The following CSRNP3 variants were observed in gnomAD, a reference collection of about 807,000 sequenced individuals.
CSRNP3 encodes the protein cysteine and serine rich nuclear protein 3.
CSRNP3 carries 12 observed loss-of-function variants against 48.0 expected under a neutral mutation model. That is an observed-to-expected ratio of 0.25 (90% CI 0.16 to 0.41). The LOEUF (loss-of-function observed/expected upper bound fraction) is 0.41. Among genes scored for constraint, CSRNP3 ranks in the 10% least tolerant of loss-of-function variants. The probability of loss-of-function intolerance (pLI) is 1.00; values close to 1 mark genes in which losing one functional copy is unlikely to be tolerated. For synonymous variants in CSRNP3, 263 were observed against 269.7 expected (o/e 0.98, Z 0.24); for missense variants, 580 against 724.4 (o/e 0.80, Z 2.29).
At chr2:165,657,615 C>T in intron 4 of CSRNP3, 146 bp from the exon 5 acceptor site, 2 of 866,420 alleles carry the variant, frequency 2.3e-6, no homozygotes, top group Admixed American at 2.6e-5. Context: ...GAACTCTATG[C>T]CAACTCTGGG....
chr2:165,625,596 T>C (rs778111925), intron 4 of CSRNP3, among the ~76,000 whole-genome samples: 10 of 150,936 alleles, frequency 6.6e-5, no homozygotes, highest in Non-Finnish European at 1.2e-4. Flanking sequence ...ATCATGCCAC[T>C]GCACTCCCAC....
intron 1 of CSRNP3, among the ~76,000 whole-genome samples, chr2:165,493,861 T>C (rs548972440): frequency 1.6e-4 from 24 of 152,240 alleles, no homozygotes; most frequent in Admixed American, 1.4e-3. Flanking sequence ...ATGACTATGG[T>C]TCTATTACAT....
chr2:165,662,465 GTTC>G (rs1031299984), intron 5 of CSRNP3, among the ~76,000 whole-genome samples: 14 of 152,300 alleles, frequency 9.2e-5, no homozygotes, highest in South Asian at 4.1e-4. Context: ...ACAGAGCACA[GTTC>G]TTCTTCTCTG....
intron 3 of CSRNP3, among the ~76,000 whole-genome samples, chr2:165,545,208 T>A (rs1414750578): frequency 2.0e-5 from 3 of 152,074 alleles, no homozygotes; most frequent in Non-Finnish European, 4.4e-5. Flanking sequence ...TATGAGAGAA[T>A]GGGTGGAGAA....
chr2:165,485,990 G>C lies in CSRNP3; in HGVS notation c.-282-8769G>C, dbSNP rs374963688. ...CTCTGGTCTACAGCTCCCAGCGTGA[G>C]CGACGCAGAAGACGGGTGATTTCTG... is the stretch of plus-strand genomic sequence containing the variant. On this transcript the variant is annotated intron_variant, in intron 1 of 6. Coordinates refer to ENST00000651982, the MANE Select transcript of CSRNP3 (RefSeq NM_001172173.2). Among the ~76,000 whole-genome samples, 11 of 152,192 alleles carry C rather than the reference G, an allele frequency of 7.2e-5. No homozygotes were observed. In the East Asian group the frequency reaches 9.7e-4, roughly 13 times the overall value.
At chr2:165,677,881 A>C (rs1687453657) in intron 6 of CSRNP3, among the ~76,000 whole-genome samples, 1 of 152,306 alleles carries the variant, frequency 6.6e-6, no homozygotes, top group East Asian at 1.9e-4. Flanking sequence ...TGTTGAACCC[A>C]AACACTCTAT....
intron 2 of CSRNP3, among the ~76,000 whole-genome samples, chr2:165,510,917 G>T (rs1402114697): frequency 6.6e-6 from 1 of 152,180 alleles, no homozygotes; most frequent in Non-Finnish European, 1.5e-5. Context: ...CAGTGTCAGA[G>T]AAGTCTCAGA....
chr2:165,664,994 G>A (rs1687155474), intron 5 of CSRNP3, among the ~76,000 whole-genome samples: 1 of 152,202 alleles, frequency 6.6e-6, no homozygotes, highest in Admixed American at 6.5e-5. Context: ...GGCCTGTAGA[G>A]AGTGATCAAT....
At chr2:165,560,002 AG>A (rs1207205726) in intron 3 of CSRNP3, among the ~76,000 whole-genome samples, 2 of 151,564 alleles carry the variant, frequency 1.3e-5, no homozygotes, top group Non-Finnish European at 2.9e-5. Context: ...GGTTTCACCA[AG>A]TTAGCCAGGA....
chr2:165,553,634 C>T (rs1474501338), intron 3 of CSRNP3, among the ~76,000 whole-genome samples: 1 of 152,164 alleles, frequency 6.6e-6, no homozygotes, highest in Admixed American at 6.5e-5. Context: ...TCTTGTTTCC[C>T]ATTTCACTGA....
intron 2 of CSRNP3, among the ~76,000 whole-genome samples, chr2:165,511,855 G>A (rs1684510391): frequency 6.6e-6 from 1 of 152,142 alleles, no homozygotes; most frequent in Admixed American, 6.6e-5. Context: ...TTCTCTAGTT[G>A]CAGTCATCTG....
At chr2:165,547,906 T>C (rs1371881661) in intron 3 of CSRNP3, among the ~76,000 whole-genome samples, 2 of 152,150 alleles carry the variant, frequency 1.3e-5, no homozygotes, top group Non-Finnish European at 2.9e-5. Flanking sequence ...TGGGTACTTA[T>C]ACATCTATGC....
rs1687644594 is a variant in CSRNP3, at chr2:165,687,248, T to C, written c.*7495T>C. ...TCAGATTTTTAAAGAAAGACACGGA[T>C]TCAGAGACAATGGTCTGTAACATGA... On this transcript the variant is annotated 3_prime_UTR_variant, in exon 7 of 7. Coordinates refer to ENST00000651982, the MANE Select transcript of CSRNP3 (RefSeq NM_001172173.2). 6.6e-6 allele frequency: 1 copy of C among 152,124 alleles called. No individual in the cohort carries two copies. Among genetic ancestry groups the C allele is most frequent in the Admixed American group, 6.6e-5 (1 of 15,254 alleles). The allele number at this position is 152,124 out of a possible 1,614,324, so 9.4% of individuals were successfully genotyped here. A position where few individuals can be genotyped will look rare whatever the true frequency, so the allele number is the denominator to read the frequency against.
intron 4 of CSRNP3, among the ~76,000 whole-genome samples, chr2:165,653,378 A>G (rs570503003): frequency 6.6e-6 from 1 of 152,258 alleles, no homozygotes; most frequent in South Asian, 2.1e-4. Context: ...TATGAACCCT[A>G]ATAGATAGGA....
At chr2:165,649,918 C>T (rs184909023) in intron 4 of CSRNP3, among the ~76,000 whole-genome samples, 1 of 152,274 alleles carries the variant, frequency 6.6e-6, no homozygotes, top group Admixed American at 6.5e-5. Flanking sequence ...TATTCCCCTA[C>T]ATCATGCCCA....
At chr2:165,524,971 T>A (rs1007363634) in intron 3 of CSRNP3, among the ~76,000 whole-genome samples, 24 of 152,312 alleles carry the variant, frequency 1.6e-4, no homozygotes, top group African/African-American at 4.6e-4. Flanking sequence ...TATCACATGA[T>A]GAGTGTATGT....
Position 165,637,820 on chromosome 2 carries a change from T to C in CSRNP3, c.149-19941T>C, listed in dbSNP as rs187195932. Among the ~76,000 whole-genome samples the C allele has an allele frequency of 2.7e-3, 413 of 152,292 alleles. 6 individuals carry two copies. The highest frequency in any genetic ancestry group is 0.021 in the Middle Eastern group (6 of 292). ...TTGTGAATGTTCATTGTGTAAAAGT[T>C]GGAAAGTTCAAAACAGTGTACAGAT... is the stretch of plus-strand genomic sequence containing the variant. On this transcript the variant is annotated intron_variant, in intron 4 of 6. Transcript: ENST00000651982.
chr2:165,626,813 C>A (rs1664910642), intron 4 of CSRNP3, among the ~76,000 whole-genome samples: 1 of 152,194 alleles, frequency 6.6e-6, no homozygotes, highest in Non-Finnish European at 1.5e-5. Context: ...TACTTATATT[C>A]TTCGCAAACC....
intron 1 of CSRNP3, among the ~76,000 whole-genome samples, chr2:165,479,750 G>A (rs879617667): frequency 2.6e-5 from 4 of 151,980 alleles, no homozygotes; most frequent in Admixed American, 2.0e-4. Flanking sequence ...GTCAGGCATG[G>A]TGGTACATGC....
Sources: allele counts gnomAD v4.1 joint callset (sites outside exome capture counted in the v4.1 genomes callset), GRCh38; gene constraint gnomAD v4.1.1; transcripts MANE v1.5; gene names NCBI Gene and HGNC (gene_info 2026-07-23, HGNC 2026-07-21).